The following AGBL4 variants were observed in gnomAD, a reference collection of about 807,000 sequenced individuals.
The protein encoded by AGBL4 is cytosolic carboxypeptidase 6.
Under a neutral mutation model 66.4 loss-of-function variants are expected in AGBL4, and 58 were observed. The observed-to-expected ratio is 0.87, with a 90% CI of 0.71 to 1.09. The LOEUF is 1.09. Among genes scored for constraint, AGBL4 ranks in the 50% least tolerant of loss-of-function variants. The pLI is 0.00. For synonymous variants in AGBL4, 234 were observed against 222.9 expected, an observed-to-expected ratio of 1.05 and a Z score of -0.44; for missense variants, 579 against 631.0, an observed-to-expected ratio of 0.92 and a Z score of 0.88.
At chr1:48,579,433 G>A (rs999603071) in intron 11 of AGBL4, among the ~76,000 whole-genome samples, 9 of 151,038 alleles carry the variant, frequency 6.0e-5, no homozygotes, top group South Asian at 2.1e-4. Context: ...TACAGATGGC[G>A]TTTCACCATG....
At chr1:49,722,999 G>A (rs1036834169) in intron 2 of AGBL4, among the ~76,000 whole-genome samples, 3 of 151,886 alleles carry the variant, frequency 2.0e-5, no homozygotes, top group South Asian at 2.1e-4. Context: ...ACTGAGTGTC[G>A]CCACCAACAG....
At chr1:49,945,118 T>G (rs986089665) in intron 1 of AGBL4, among the ~76,000 whole-genome samples, 2 of 151,956 alleles carry the variant, frequency 1.3e-5, no homozygotes, top group African/African-American at 4.8e-5. Context: ...AAGAAGAGAA[T>G]CGAAAAGTTT....
intron 4 of AGBL4, among the ~76,000 whole-genome samples, chr1:49,173,784 G>A (rs917687483): frequency 9.2e-5 from 14 of 152,122 alleles, no homozygotes; most frequent in Admixed American, 8.5e-4. Flanking sequence ...GGATCTCTTG[G>A]AAGAGCTTCT....
intron 5 of AGBL4, among the ~76,000 whole-genome samples, chr1:48,887,769 G>A (rs967821011): frequency 4.6e-5 from 7 of 152,158 alleles, no homozygotes; most frequent in African/African-American, 1.7e-4. Flanking sequence ...AAAGTCTCCT[G>A]ATCCTCTAGG....
At chr1:49,010,042 G>A (rs917154118) in intron 5 of AGBL4, among the ~76,000 whole-genome samples, 38 of 152,258 alleles carry the variant, frequency 2.5e-4, no homozygotes, top group Middle Eastern at 6.8e-3. Context: ...AATTAGGCAG[G>A]AGAAGGAAAT....
intron 2 of AGBL4, among the ~76,000 whole-genome samples, chr1:49,778,262 A>C (rs1187997688): frequency 6.6e-6 from 1 of 152,136 alleles, no homozygotes; most frequent in Non-Finnish European, 1.5e-5. Context: ...AGGTGCTGCC[A>C]TCTCCAACTA....
chr1:49,025,532 G>A (rs942857677), intron 5 of AGBL4: 1 of 152,094 alleles, frequency 6.6e-6, no homozygotes, highest in Admixed American at 6.6e-5. Context: ...AAGAACTTGG[G>A]ATTCTTCTTG....
intron 4 of AGBL4, among the ~76,000 whole-genome samples, chr1:49,077,095 C>CAT (rs1553150873): frequency 1.3e-5 from 2 of 150,442 alleles, no homozygotes; most frequent in African/African-American, 2.4e-5. Context: ...CTTCTGTGTG[C>CAT]GTGTGTGTGT....
intron 1 of AGBL4, among the ~76,000 whole-genome samples, chr1:50,020,902 C>A (rs1662396958): frequency 6.6e-6 from 1 of 152,176 alleles, no homozygotes; most frequent in Non-Finnish European, 1.5e-5. Context: ...TCAGGTGACT[C>A]CAGCCAGCAA....
chr1:49,253,944 G>A (rs899436007), intron 3 of AGBL4, among the ~76,000 whole-genome samples: 1 of 152,082 alleles, frequency 6.6e-6, no homozygotes, highest in Non-Finnish European at 1.5e-5. Flanking sequence ...ATGCAGAAAA[G>A]GCTTTTGATA....
rs192357568 is a variant in AGBL4, at chr1:49,256,002, T to C, written c.283-10138A>G. ...GAGGGGAACAACACACACTGGGGCC[T>C]ATGGGAGAGTAAAAAGTGGGAGAAT... On this transcript the variant is annotated intron_variant, in intron 3 of 13. Coordinates refer to ENST00000371839, the MANE Select transcript of AGBL4 (RefSeq NM_032785.4). Among the ~76,000 whole-genome samples the C allele has an allele frequency of 3.9e-5, 6 of 152,178 alleles. No individual in the cohort carries two copies. In the East Asian group the frequency reaches 9.7e-4, roughly 25 times the overall value.
chr1:49,658,552 T>C (rs1646199859), intron 3 of AGBL4, among the ~76,000 whole-genome samples: 2 of 152,282 alleles, frequency 1.3e-5, no homozygotes, highest in South Asian at 4.1e-4. Context: ...TAAAGACACA[T>C]GCACACATAT....
At chr1:48,865,946 A>C (rs1017725793) in intron 6 of AGBL4, among the ~76,000 whole-genome samples, 3 of 152,214 alleles carry the variant, frequency 2.0e-5, no homozygotes, top group Non-Finnish European at 4.4e-5. Context: ...TGGAATTTCT[A>C]TATATGTTAA....
At chr1:49,051,315 C>G (rs1644205592) in intron 4 of AGBL4, among the ~76,000 whole-genome samples, 3 of 148,474 alleles carry the variant, frequency 2.0e-5, no homozygotes, top group African/African-American at 7.7e-5. Context: ...ATCTCAATAG[C>G]TTGCTATCCG....
intron 9 of AGBL4, among the ~76,000 whole-genome samples, chr1:48,619,205 G>T (rs999046305): frequency 4.6e-5 from 7 of 152,142 alleles, no homozygotes; most frequent in African/African-American, 1.7e-4. Context: ...CCATTCATCT[G>T]GCATTTTACT....
At chr1:49,831,011 C>T (rs1645657790) in intron 2 of AGBL4, among the ~76,000 whole-genome samples, 1 of 152,106 alleles carries the variant, frequency 6.6e-6, no homozygotes, top group African/African-American at 2.4e-5. Flanking sequence ...GTTATTGTAG[C>T]TTTGTAATAT....
chr1:49,996,828 C>T (rs1660400900), intron 1 of AGBL4, among the ~76,000 whole-genome samples: 1 of 152,054 alleles, frequency 6.6e-6, no homozygotes, highest in Admixed American at 6.5e-5. Flanking sequence ...ATCAGGGAAA[C>T]TATAAAGGAA....
chr1:49,092,607 T>A (rs1645022154), intron 4 of AGBL4, among the ~76,000 whole-genome samples: 1 of 152,156 alleles, frequency 6.6e-6, no homozygotes, highest in Non-Finnish European at 1.5e-5. Context: ...AAATGATGGT[T>A]GTAATTATCA....
At chr1:49,848,923 T>C (rs915145287) in intron 2 of AGBL4, among the ~76,000 whole-genome samples, 7 of 152,204 alleles carry the variant, frequency 4.6e-5, no homozygotes, top group Non-Finnish European at 1.0e-4. Flanking sequence ...TCAATCACTT[T>C]TAAGAAGCAA....
Sources: allele counts gnomAD v4.1 joint callset (sites outside exome capture counted in the v4.1 genomes callset), GRCh38; gene constraint gnomAD v4.1.1; transcripts MANE v1.5; gene names NCBI Gene and HGNC (gene_info 2026-07-23, HGNC 2026-07-21).